The following EMC7 variants were observed in gnomAD, a reference collection of about 807,000 sequenced individuals.
The protein encoded by EMC7 is endoplasmic reticulum membrane protein complex subunit 7.
A neutral mutation model predicts 24.4 loss-of-function variants in EMC7; 4 were observed. The observed-to-expected ratio is 0.16, with a 90% CI of 0.08 to 0.38. EMC7 has a LOEUF of 0.38. EMC7 is among the 10% of genes least tolerant of loss of function. The pLI is 1.00. For missense variants in EMC7, 221 were observed against 300.6 expected, an observed-to-expected ratio of 0.74 and a Z score of 1.96; for synonymous variants, 106 against 112.0, an observed-to-expected ratio of 0.95 and a Z score of 0.34.
At chr15:34,087,888 C>T (rs1900913255) in intron 4 of EMC7, among the ~76,000 whole-genome samples, 165 bp downstream of exon 4, 1 of 151,998 alleles carries the variant, frequency 6.6e-6, no homozygotes, top group African/African-American at 2.4e-5. Context: ...AGGCATGGTG[C>T]CTCGGACCTA....
intron 4 of EMC7, among the ~76,000 whole-genome samples, chr15:34,085,339 A>G (rs1397271266): frequency 6.6e-6 from 1 of 152,192 alleles, no homozygotes; most frequent in Non-Finnish European, 1.5e-5. Flanking sequence ...AAATCTATAA[A>G]GTACTGTTTG....
chr15:34,091,834 TG>T (rs1336296683), intron 2 of EMC7, among the ~76,000 whole-genome samples: 3 of 152,166 alleles, frequency 2.0e-5, no homozygotes, highest in Non-Finnish European at 4.4e-5. Flanking sequence ...TTTCCTTTGT[TG>T]TGGGGGGAGC....
At chr15:34,085,602 T>A (rs1264300366) in intron 4 of EMC7, among the ~76,000 whole-genome samples, 3 of 152,074 alleles carry the variant, frequency 2.0e-5, no homozygotes, top group Non-Finnish European at 4.4e-5. Flanking sequence ...CATTTCAAAT[T>A]GAACACTGTT....
rs537367020 is a variant in EMC7, at chr15:34,086,265, G to C, written c.577-1779C>G. The C allele has an allele frequency of 2.0e-4, 59 of 297,598 alleles. 1 individual carries two copies. In the South Asian group the frequency reaches 2.0e-3, roughly 10 times the overall value. The allele number at this position is 297,598 out of a possible 1,614,324, so 18.4% of individuals were successfully genotyped here. ...TGACTGGTGCCAGATAAACCTCTTA[G>C]TTGTCTTTTTGATGATCTTGGGCTT... On this transcript the variant is annotated intron_variant, in intron 4 of 4. Transcript: ENST00000256545.
chr15:34,101,810 G>A lies in EMC7; in HGVS notation c.30C>T (p.Pro10=), dbSNP rs780646792. The part of the protein sequence containing the change: MAAALWGFF[P]VLLLLLLSGD... ...CCGATAGCAGCAGCAGCAGCAGGAC[G>A]GGAAAGAAGCCCCACAGAGCGGCCG... The change falls in exon 1 of 5, where the codon CCC becomes CCT. Residue 10 remains proline (P), a synonymous_variant. Transcript: ENST00000256545. The A allele has an allele frequency of 1.9e-6, 3 of 1,610,824 alleles. No individual in the cohort carries two copies. Among genetic ancestry groups the A allele is most frequent in the Admixed American group, 1.7e-5 (1 of 59,904 alleles).
At chr15:34,093,806 C>CACACAT (rs61440619) in intron 2 of EMC7, among the ~76,000 whole-genome samples, 1 of 30,254 alleles carries the variant, frequency 3.3e-5, no homozygotes, top group African/African-American at 8.6e-5. Flanking sequence ...CACACACACA[C>CACACAT]ATATATATAT....
rs140847906 is a variant in EMC7, at chr15:34,090,691, C to T, written c.357-236G>A. On this transcript the variant is annotated intron_variant, in intron 2 of 4. Coordinates refer to ENST00000256545, the MANE Select transcript of EMC7 (RefSeq NM_020154.3). ...TAGACTTGGAATCTTCTAGCTGCAG[C>T]TCTGTCATTACCTAGACCTGTGGGA... Among the ~76,000 whole-genome samples, 6 of 152,320 alleles carry T rather than the reference C, an allele frequency of 3.9e-5. No homozygotes were observed. In the East Asian group the frequency reaches 1.2e-3, roughly 29 times the overall value.
intron 2 of EMC7, 34 bp from the exon 3 acceptor site, chr15:34,090,489 T>C: frequency 1.3e-6 from 2 of 1,591,388 alleles, no homozygotes; most frequent in Non-Finnish European, 1.7e-6. Context: ...CAACAGTAAT[T>C]CCATTAAAAA....
intron 4 of EMC7, among the ~76,000 whole-genome samples, chr15:34,086,810 A>G (rs1900896903): frequency 6.6e-6 from 1 of 152,280 alleles, no homozygotes; most frequent in Admixed American, 6.5e-5. Flanking sequence ...TATACAAGGA[A>G]TGCACAGGAT....
intron 4 of EMC7, among the ~76,000 whole-genome samples, chr15:34,086,571 G>C (rs1900891611): frequency 1.3e-5 from 2 of 152,194 alleles, no homozygotes; most frequent in South Asian, 4.1e-4. Context: ...TCAGATTACA[G>C]GCATGCGCCA....
chr15:34,084,919 C>T (rs1900853480), intron 4 of EMC7, among the ~76,000 whole-genome samples: 1 of 151,706 alleles, frequency 6.6e-6, no homozygotes, highest in African/African-American at 2.4e-5. Flanking sequence ...ACAACAGGCC[C>T]TGTGTGTGAT....
intron 2 of EMC7, 95 bp from the exon 3 acceptor site, chr15:34,090,550 C>T: frequency 2.3e-6 from 3 of 1,303,346 alleles, no homozygotes; most frequent in Non-Finnish European, 3.0e-6. Flanking sequence ...GCCTTATACA[C>T]ACTTTCAGCT....
Position 34,101,695 on chromosome 15 carries a change from C to G in EMC7, c.145G>C (p.Gly49Arg). Residue 49 changes from glycine to arginine, a missense_variant, in exon 1 of 5, where the codon GGG becomes CGG. Transcript: ENST00000256545. The part of the protein sequence containing the change: ...VGIGDRFKIE[G>R]RAVVPGVKPQ... The stretch of plus-strand genomic sequence containing the variant: ...TTCACCCCTGGAACAACTGCACGCC[C>G]CTCAATCTTGAAGCGATCTCCTATG... 1 of 1,613,870 alleles carries G rather than the reference C, an allele frequency of 6.2e-7. No individual in the cohort carries two copies. The highest frequency in any genetic ancestry group is 8.5e-7 in the Non-Finnish European group (1 of 1,179,990).
intron 2 of EMC7, among the ~76,000 whole-genome samples, chr15:34,093,806 C>CACACACACACACATATATATAT (rs61440619): frequency 9.9e-4 from 30 of 30,208 alleles, no homozygotes; most frequent in Non-Finnish European, 1.6e-3. Flanking sequence ...CACACACACA[C>CACACACACACACATATATATAT]ATATATATAT....
intron 2 of EMC7, among the ~76,000 whole-genome samples, chr15:34,093,248 G>A (rs1038070568): frequency 6.6e-6 from 1 of 151,980 alleles, no homozygotes; most frequent in Non-Finnish European, 1.5e-5. Flanking sequence ...AACCATCCTG[G>A]CCAACATGGT....
rs143551689 is a variant in EMC7 at position 34,093,782 on chromosome 15, T to TACACACACACACACACACACACAC, written c.356+2089_356+2112dup. On this transcript the variant is annotated intron_variant, in intron 2 of 4. Coordinates refer to ENST00000256545, the MANE Select transcript of EMC7 (RefSeq NM_020154.3). ...AACTTTACATATACACATATATGTA[T>TACACACACACACACACACACACAC]ACACACACACACACACACACACACA... 6.0e-4 allele frequency among the ~76,000 whole-genome samples: 14 copies of TACACACACACACACACACACACAC among 23,396 alleles called. 2 individuals carry two copies. The highest frequency in any genetic ancestry group is 8.4e-4 in the African/African-American group (7 of 8,314). 15.3% of individuals were successfully genotyped at this position (23,396 alleles called of 152,430 possible). A position where few individuals can be genotyped will look rare whatever the true frequency, so the allele number is the denominator to read the frequency against.
At chr15:34,094,791 G>A (rs1159041508) in intron 2 of EMC7, among the ~76,000 whole-genome samples, 1 of 152,102 alleles carries the variant, frequency 6.6e-6, no homozygotes, top group Admixed American at 6.6e-5. Flanking sequence ...TCTATCAATA[G>A]GAGCCGGTTA....
chr15:34,093,578 C>T (rs1901011889), intron 2 of EMC7, among the ~76,000 whole-genome samples: 1 of 150,210 alleles, frequency 6.7e-6, no homozygotes, highest in Admixed American at 6.6e-5. Context: ...ACAAGTATTC[C>T]CTTTTGTGTA....
At chr15:34,101,563 CT>C (rs1313924117) in intron 1 of EMC7, 40 bp downstream of exon 1, 2 of 1,601,844 alleles carry the variant, frequency 1.2e-6, no homozygotes, top group African/African-American at 2.7e-5. Flanking sequence ...CCTGTCCGGC[CT>C]CCATCCCAGC....
Sources: gnomAD v4.1 joint callset for allele counts (sites outside exome capture counted in the v4.1 genomes callset) on GRCh38, gnomAD v4.1.1 for gene constraint, MANE v1.5 for transcripts, NCBI Gene and HGNC (gene_info 2026-07-23, HGNC 2026-07-21) for gene names.